PRH1: variants seen among roughly 807,000 people sequenced by gnomAD.
PRH1 encodes the protein proline rich protein HaeIII subfamily 1.
A neutral mutation model predicts 7.9 loss-of-function variants in PRH1; 7 were observed. That is an observed-to-expected ratio of 0.89 (90% CI 0.50 to 1.67). The LOEUF is 1.67. Ranked by LOEUF, PRH1 falls within the 40% of genes most tolerant of loss-of-function variation. The pLI, the probability that PRH1 is intolerant of heterozygous loss-of-function variation, is 0.00. For synonymous variants in PRH1, 45 were observed against 80.8 expected (o/e 0.56, Z 2.38); for missense variants, 109 against 223.6 (o/e 0.49, Z 3.27).
In PRH1 at chr12:11,129,973, A is replaced by G. The variant is rs373724719; in HGVS notation, n.40-8793T>C. 9.2e-5 allele frequency among the ~76,000 whole-genome samples: 14 copies of G among 152,258 alleles called. No homozygotes were observed. The East Asian group carries it at 2.5e-3, about 27-fold the overall frequency. On this transcript the variant is annotated intron_variant and non_coding_transcript_variant, in intron 1 of 1. Coordinates refer to the PRH1 transcript ENST00000541175. Reference sequence around the variant, plus strand: ...TGAGACCAGCCTGGGTAACACGGTGACATCCCAGCCCTACAAAAAATACCA... The same window carrying G: ...TGAGACCAGCCTGGGTAACACGGTGGCATCCCAGCCCTACAAAAAATACCA...
At chr12:11,049,333 A>AC (rs1448573531), upstream of PRH1, 58 of 318,586 alleles carry the variant, frequency 1.8e-4, no homozygotes, top group Middle Eastern at 4.0e-4. Flanking sequence ...CCAGACCTTA[A>AC]TGTCGATAAA....
At chr12:11,061,317 A>G (rs1437865446) in intron 1 of PRH1, 1 of 1,561,646 alleles carries the variant, frequency 6.4e-7, no homozygotes, top group African/African-American at 1.4e-5. Flanking sequence ...TGCTTCATAT[A>G]ACACGTTTGT....
intron 1 of PRH1, among the ~76,000 whole-genome samples, chr12:11,154,502 A>G (rs1199475138): frequency 6.6e-6 from 1 of 152,220 alleles, no homozygotes; most frequent in Non-Finnish European, 1.5e-5. Context: ...GAGGAAATGC[A>G]TAATCTAAAG....
At chr12:11,049,226 T>C (rs371759395), upstream of PRH1, 18 of 1,203,028 alleles carry the variant, frequency 1.5e-5, no homozygotes, top group Middle Eastern at 6.5e-4. Flanking sequence ...ACTACCAGAA[T>C]TGATAAAATG....
chr12:10,982,742 T>C (rs1939418083), intron 1 of PRH1, among the ~76,000 whole-genome samples: 1 of 152,216 alleles, frequency 6.6e-6, no homozygotes, highest in African/African-American at 2.4e-5. Flanking sequence ...AGTAAAATAC[T>C]GGAAGAAGAG....
chr12:10,898,688 A>G (rs1484961675), intron 2 of PRH1, among the ~76,000 whole-genome samples: 1 of 152,216 alleles, frequency 6.6e-6, no homozygotes, highest in Non-Finnish European at 1.5e-5. Context: ...AATAGAAAGC[A>G]TGTCAGAAGA....
intron 1 of PRH1, among the ~76,000 whole-genome samples, chr12:10,998,769 A>T (rs752476076): frequency 6.6e-6 from 1 of 152,170 alleles, no homozygotes; most frequent in Non-Finnish European, 1.5e-5. Flanking sequence ...CCTTTGTCAC[A>T]TAATTTTGCA....
chr12:10,990,357 T>C (rs1432815483), intron 1 of PRH1, among the ~76,000 whole-genome samples: 1 of 152,138 alleles, frequency 6.6e-6, no homozygotes, highest in Non-Finnish European at 1.5e-5. Context: ...TGATGAGTGA[T>C]AGTGTTTAGT....
chr12:11,009,339 G>A (rs1185741602), intron 1 of PRH1, among the ~76,000 whole-genome samples: 3 of 151,526 alleles, frequency 2.0e-5, no homozygotes, highest in Non-Finnish European at 4.4e-5. Context: ...ATTTTCTATT[G>A]GTCTTTGATG....
chr12:11,171,038 G>A (rs1947819915), intron 1 of PRH1, among the ~76,000 whole-genome samples: 1 of 152,230 alleles, frequency 6.6e-6, no homozygotes, highest in Admixed American at 6.5e-5. Flanking sequence ...ATCTCGCTTA[G>A]ATTTTTTCAT....
At chr12:11,033,005 C>A (rs11054174) in intron 1 of PRH1, among the ~76,000 whole-genome samples, 4,110 of 152,246 alleles carry the variant, frequency 0.027, 178 homozygotes, top group East Asian at 0.23. Context: ...TTGCTGCCAC[C>A]TGATCCAGAT....
chr12:11,006,703 A>G (rs1591801924), intron 1 of PRH1, among the ~76,000 whole-genome samples: 1 of 152,096 alleles, frequency 6.6e-6, no homozygotes, highest in Non-Finnish European at 1.5e-5. Context: ...TAATATCTAG[A>G]CCTTAAATTG....
intron 1 of PRH1, among the ~76,000 whole-genome samples, chr12:11,110,500 G>C (rs1182119788): frequency 1.3e-5 from 2 of 151,622 alleles, no homozygotes; most frequent in Non-Finnish European, 3.0e-5. Flanking sequence ...GGAAGAGAGT[G>C]GGGACATTCT....
chr12:10,989,105 G>T (rs2135989297), intron 1 of PRH1, among the ~76,000 whole-genome samples: 1 of 152,268 alleles, frequency 6.6e-6, no homozygotes, highest in South Asian at 2.1e-4. Flanking sequence ...ACCGCGCCTG[G>T]CCTTGATTTT....
chr12:10,908,658 A>C (rs748636420), intron 2 of PRH1: 37 of 1,613,830 alleles, frequency 2.3e-5, no homozygotes, highest in Non-Finnish European at 3.1e-5. Context: ...TTTGTAATTG[A>C]GTTGCATTTT....
intron 1 of PRH1, among the ~76,000 whole-genome samples, chr12:11,114,229 A>C (rs77096743): frequency 0.29 from 44,061 of 152,156 alleles, 8,260 homozygotes; most frequent in East Asian, 0.74. Flanking sequence ...AGCATTGTTC[A>C]CAAGAGCAAA....
Position 11,029,533 on chromosome 12 carries a change from A to C in PRH1, c.-126+17487T>G, listed in dbSNP as rs548179634. Reference sequence around the variant, plus strand: ...ATATAATTAGCAATTCAGGGGCTTAAAAGTGCTTTAGAAAGAATACTAAAA... The same window carrying C: ...ATATAATTAGCAATTCAGGGGCTTACAAGTGCTTTAGAAAGAATACTAAAA... On this transcript the variant is annotated intron_variant, in intron 1 of 3. Transcript: ENST00000539853. 2.9e-5 allele frequency among the ~76,000 whole-genome samples: 4 copies of C among 138,646 alleles called. No homozygotes were observed. In the South Asian group the frequency reaches 9.3e-4, roughly 32 times the overall value. The allele number at this position is 138,646 out of a possible 152,430, so 91.0% of individuals were successfully genotyped here. A position where few individuals can be genotyped will look rare whatever the true frequency, so the allele number is the denominator to read the frequency against.
At chr12:11,163,215 AC>A (rs1485630598) in intron 1 of PRH1, among the ~76,000 whole-genome samples, 2 of 152,120 alleles carry the variant, frequency 1.3e-5, no homozygotes, top group Non-Finnish European at 2.9e-5. Context: ...AAAATTGGTT[AC>A]CTATAGGAAA....
rs1402147076 is a variant in PRH1 at position 11,146,369 on chromosome 12, T to C, written n.39+25053A>G. 2.0e-5 allele frequency among the ~76,000 whole-genome samples: 3 copies of C among 152,186 alleles called. No homozygotes were observed. In the South Asian group the frequency reaches 6.2e-4, roughly 32 times the overall value. On this transcript the variant is annotated intron_variant and non_coding_transcript_variant, in intron 1 of 1. Transcript: ENST00000541175. ...AATATTTGCCTTAACATCTTACATG[T>C]ATACCTGAATTTGGCAAGAATTGAT...
Sources: allele counts gnomAD v4.1 joint callset (sites outside exome capture counted in the v4.1 genomes callset), GRCh38; gene constraint gnomAD v4.1.1; transcripts MANE v1.5; gene names NCBI Gene and HGNC (gene_info 2026-07-23, HGNC 2026-07-21).